The following RAD23B variants were observed in gnomAD, a reference collection of about 807,000 sequenced individuals.
RAD23B encodes lysine-specific demethylase RAD23B.
Under a neutral mutation model 49.1 loss-of-function variants are expected in RAD23B, and 5 were observed. The ratio of observed to expected loss-of-function variants is 0.10; its 90% CI spans 0.05 to 0.21. The LOEUF (loss-of-function observed/expected upper bound fraction) is 0.21. Among genes scored for constraint, RAD23B ranks in the 10% least tolerant of loss-of-function variants. RAD23B has a pLI of 1.00. For synonymous variants in RAD23B, 184 were observed against 165.4 expected (o/e 1.11, Z -0.86); for missense variants, 356 against 486.7 (o/e 0.73, Z 2.53).
Position 107,287,235 on chromosome 9 carries a change from T to TTA in RAD23B, c.66+3540_66+3541insTA, listed in dbSNP as rs1554739589. 2.5e-3 allele frequency among the ~76,000 whole-genome samples: 386 copies of TTA among 151,704 alleles called. 2 individuals are homozygous for TTA. Among genetic ancestry groups the TTA allele is most frequent in the African/African-American group, 9.1e-3 (376 of 41,328 alleles). ...AGATTTAGGAATAAACCTTTTGAGA[T>TTA]AAAAAAAATACAGTGCAGTATTTTA... On this transcript the variant is annotated intron_variant, in intron 1 of 9. Coordinates refer to ENST00000358015, the MANE Select transcript of RAD23B (RefSeq NM_002874.5).
chr9:107,316,259 C>A (rs1231077557), intron 5 of RAD23B, among the ~76,000 whole-genome samples: 1 of 152,198 alleles, frequency 6.6e-6, no homozygotes, highest in Non-Finnish European at 1.5e-5. Flanking sequence ...GATCTGCCCG[C>A]CTCGGCCTCC....
intron 1 of RAD23B, among the ~76,000 whole-genome samples, chr9:107,287,481 A>G (rs553909248): frequency 1.3e-5 from 2 of 152,372 alleles, no homozygotes; most frequent in South Asian, 2.1e-4. Context: ...TTGCAAAGAC[A>G]TCAGTTTTAA....
chr9:107,327,246 CTTTTGTTTTG>C (rs149815281), intron 9 of RAD23B, among the ~76,000 whole-genome samples: 1 of 151,846 alleles, frequency 6.6e-6, no homozygotes, highest in East Asian at 1.9e-4. Context: ...TTTTTCTAGT[CTTTTGTTTTG>C]TTTTGTTTTA....
intron 5 of RAD23B, among the ~76,000 whole-genome samples, chr9:107,316,637 A>C (rs1827004058): frequency 6.6e-6 from 1 of 152,156 alleles, no homozygotes; most frequent in South Asian, 2.1e-4. Flanking sequence ...CAAATGCTTA[A>C]TCTGTTTGTG....
chr9:107,319,132 T>TTTTC (rs1554743451), intron 6 of RAD23B, among the ~76,000 whole-genome samples: 3 of 132,244 alleles, frequency 2.3e-5, no homozygotes, highest in African/African-American at 9.5e-5. Flanking sequence ...TTTTTTCTTT[T>TTTTC]TTTTTTTTTT....
chr9:107,314,115 G>C (rs191055538), intron 5 of RAD23B, among the ~76,000 whole-genome samples: 16 of 152,302 alleles, frequency 1.1e-4, no homozygotes, highest in African/African-American at 3.1e-4. Flanking sequence ...CCTTACCAGA[G>C]TGGAAAGCAA....
In RAD23B at chr9:107,309,658, G is replaced by A. The variant is rs139682913; in HGVS notation, c.498-2024G>A. On this transcript the variant is annotated intron_variant, in intron 4 of 9. Coordinates refer to ENST00000358015, the MANE Select transcript of RAD23B (RefSeq NM_002874.5). The stretch of plus-strand genomic sequence containing the variant: ...TTTAAAAACAATGTGTGGGCCGGGC[G>A]TGGTGGCTCACGCCTGTAATCCCAG... 5.7e-3 allele frequency among the ~76,000 whole-genome samples: 867 copies of A among 152,210 alleles called. 30 individuals carry two copies. The highest frequency in any genetic ancestry group is 0.046 in the Admixed American group (701 of 15,290).
chr9:107,312,751 A>G (rs1188040406), intron 5 of RAD23B, among the ~76,000 whole-genome samples: 2 of 152,204 alleles, frequency 1.3e-5, no homozygotes, highest in Non-Finnish European at 2.9e-5. Flanking sequence ...AGGAATTGGA[A>G]GGGCTGGAAA....
intron 5 of RAD23B, among the ~76,000 whole-genome samples, chr9:107,312,442 C>T (rs1183008117): frequency 6.6e-6 from 1 of 152,190 alleles, no homozygotes; most frequent in South Asian, 2.1e-4. Flanking sequence ...TTAGCTTCTA[C>T]AGCAGCAGGG....
intron 2 of RAD23B, among the ~76,000 whole-genome samples, chr9:107,301,071 T>G (rs1467803441): frequency 6.6e-6 from 1 of 152,234 alleles, no homozygotes; most frequent in East Asian, 1.9e-4. Flanking sequence ...ATTCAATAGC[T>G]TTTTAAAGGT....
At chr9:107,292,017 C>T (rs976414715) in intron 1 of RAD23B, among the ~76,000 whole-genome samples, 6 of 152,118 alleles carry the variant, frequency 3.9e-5, no homozygotes, top group East Asian at 3.9e-4. Context: ...CTTTTGCCAT[C>T]GGTCTAAGGA....
At chr9:107,311,545 A>G (rs2133084815) in intron 4 of RAD23B, 137 bp from the exon 5 acceptor site, 5 of 600,554 alleles carry the variant, frequency 8.3e-6, no homozygotes, top group South Asian at 2.8e-5. Context: ...TAGAAGAGAC[A>G]GTTTAAATAC....
At chr9:107,284,042 A>C in intron 1 of RAD23B, 1 of 1,037,820 alleles carries the variant, frequency 9.6e-7, no homozygotes, top group Non-Finnish European at 1.2e-6. Flanking sequence ...GCTTTCTGGT[A>C]TGGGTGCACA....
intron 1 of RAD23B, among the ~76,000 whole-genome samples, chr9:107,292,871 C>T (rs1462326423): frequency 2.0e-5 from 3 of 152,102 alleles, no homozygotes. Flanking sequence ...TAGTATCTAC[C>T]TGTGTACTAG....
intron 1 of RAD23B, among the ~76,000 whole-genome samples, chr9:107,298,474 A>ATTTTTTTTTTT (rs35923233): frequency 1.7e-4 from 9 of 53,124 alleles, no homozygotes; most frequent in East Asian, 9.1e-4. Flanking sequence ...TGCTTGGCTA[A>ATTTTTTTTTTT]TTTTTTTTTT....
In RAD23B at chr9:107,283,546, A is replaced by C; in HGVS notation, c.-84A>C. 1 of 1,072,492 alleles carries C rather than the reference A, an allele frequency of 9.3e-7. No individual in the cohort carries two copies. The highest frequency in any genetic ancestry group is 2.4e-5 in the South Asian group (1 of 42,540). The allele number at this position is 1,072,492 out of a possible 1,614,324, so 66.4% of individuals were successfully genotyped here. On this transcript the variant is annotated 5_prime_UTR_variant, in exon 1 of 10. Transcript: ENST00000358015. ...CCCCAGAGCGCGAGGAGCGCGGGCGACCCCGGGGCCCCGCCAGGCCACAGA... is the reference window on the plus strand; with the variant it reads ...CCCCAGAGCGCGAGGAGCGCGGGCGCCCCCGGGGCCCCGCCAGGCCACAGA...
intron 2 of RAD23B, 29 bp downstream of exon 2, chr9:107,300,251 C>A (rs753141518): frequency 1.9e-6 from 3 of 1,579,078 alleles, no homozygotes; most frequent in Non-Finnish European, 2.6e-6. Context: ...AATTAACATG[C>A]CATGTCTTGA....
At chr9:107,316,228 G>C (rs1240572295) in intron 5 of RAD23B, among the ~76,000 whole-genome samples, 1 of 152,028 alleles carries the variant, frequency 6.6e-6, no homozygotes, top group African/African-American at 2.4e-5. Context: ...GGCCAGGATG[G>C]TCTCGATCTC....
rs199945215 is a variant in RAD23B, at chr9:107,300,332, C to A, written c.148+110C>A. On this transcript the variant is annotated intron_variant, in intron 2 of 9. Transcript: ENST00000358015. ...TCAAATTGTCAGAAAAATGATTGTA[C>A]AAATAAAAGCAGTGAAAGAGCAGTC... 84 of 1,227,650 alleles carry A rather than the reference C, an allele frequency of 6.8e-5. 1 individual carries two copies. In the East Asian group the frequency reaches 1.9e-3, roughly 28 times the overall value. The allele number at this position is 1,227,650 out of a possible 1,614,324, so 76.0% of individuals were successfully genotyped here.
Sources: gnomAD v4.1 joint callset for allele counts (sites outside exome capture counted in the v4.1 genomes callset) on GRCh38, gnomAD v4.1.1 for gene constraint, MANE v1.5 for transcripts, NCBI Gene and HGNC (gene_info 2026-07-23, HGNC 2026-07-21) for gene names.